TDRD1: variants seen among roughly 807,000 people sequenced by gnomAD.
TDRD1 encodes tudor domain-containing protein 1.
Under a neutral mutation model 140.6 loss-of-function variants are expected in TDRD1, and 37 were observed. That is an observed-to-expected ratio of 0.26 (90% confidence interval 0.20 to 0.35). The LOEUF is 0.35. Among genes scored for constraint, TDRD1 ranks in the 10% least tolerant of loss-of-function variants. The probability of loss-of-function intolerance (pLI) is 1.00; values close to 1 mark genes in which losing one functional copy is unlikely to be tolerated. For synonymous variants in TDRD1, 506 were observed against 475.7 expected (o/e 1.06, Z -0.83); for missense variants, 1,243 against 1,393.0 (o/e 0.89, Z 1.71).
chr10:114,227,209 G>A (rs1269896008), exon 23 of TDRD1: 6 of 1,614,012 alleles, frequency 3.7e-6, no homozygotes, highest in Middle Eastern at 1.6e-4. Context: ...GAAATGTTCT[G>A]AGAATGGGAC....
At chr10:114,193,323 G>C (rs922675028) in intron 3 of TDRD1, among the ~76,000 whole-genome samples, 1 of 36,872 alleles carries the variant, frequency 2.7e-5, no homozygotes, top group South Asian at 7.8e-4. Context: ...AGACAGTTTT[G>C]TTCTTGTTGT....
rs529954501 is a variant in TDRD1 at position 114,197,852 on chromosome 10, C to T, written c.385-1321C>T. Among the ~76,000 whole-genome samples, 11 of 152,078 alleles carry T rather than the reference C, an allele frequency of 7.2e-5. 1 individual carries two copies. The highest frequency in any genetic ancestry group is 1.9e-4 in the East Asian group (1 of 5,174). On this transcript the variant is annotated intron_variant, in intron 3 of 25. Transcript: ENST00000251864. ...TTTGTATTTTCGTAGAGATGGGGTT[C>T]GCCATATTGGCCAGGCTGATCTTGA...
intron 10 of TDRD1, 35 bp from the exon 11 acceptor site, chr10:114,206,209 C>A: frequency 6.8e-7 from 1 of 1,459,922 alleles, no homozygotes; most frequent in Non-Finnish European, 9.6e-7. Flanking sequence ...TGTATAGTTT[C>A]TCAATGGAGG....
intron 20 of TDRD1, 101 bp downstream of exon 20, chr10:114,221,577 C>A: frequency 1.7e-6 from 2 of 1,171,140 alleles, no homozygotes; most frequent in Non-Finnish European, 2.5e-6. Context: ...GAGAAAGAGG[C>A]TCACTGTTTT....
Position 114,221,572 on chromosome 10 carries a change from A to G in TDRD1, c.2890+96A>G, listed in dbSNP as rs539992961. The G allele has an allele frequency of 2.4e-5, 29 of 1,198,426 alleles. 1 individual carries two copies. In the South Asian group the frequency reaches 3.3e-4, roughly 14 times the overall value. The allele number at this position is 1,198,426 out of a possible 1,614,324, so 74.2% of individuals were successfully genotyped here. On this transcript the variant is annotated intron_variant, in intron 20 of 25. Coordinates refer to ENST00000251864, the Ensembl canonical transcript of TDRD1. The stretch of plus-strand genomic sequence containing the variant: ...ATTCCTTTGGGAATGAAGGGGAGAA[A>G]GAGGCTCACTGTTTTAAGGAAGAAC...
At chr10:114,187,838 G>A (rs573754842) in exon 2 of TDRD1, 1 of 1,586,376 alleles carries the variant, frequency 6.3e-7, no homozygotes, top group East Asian at 2.2e-5. Flanking sequence ...CTCGATGAGT[G>A]TTAAATCGCC....
At chr10:114,224,505 G>A (rs1200106281) in intron 21 of TDRD1, among the ~76,000 whole-genome samples, 2 of 152,116 alleles carry the variant, frequency 1.3e-5, no homozygotes, top group East Asian at 3.9e-4. Context: ...AGTTGCTTTT[G>A]TTTTCTGTTC....
At chr10:114,183,092 C>T (rs2033222243) in intron 1 of TDRD1, among the ~76,000 whole-genome samples, 1 of 152,160 alleles carries the variant, frequency 6.6e-6, no homozygotes, top group Admixed American at 6.5e-5. Flanking sequence ...AGTTCCTGCA[C>T]TCAGGCAACT....
intron 5 of TDRD1, among the ~76,000 whole-genome samples, chr10:114,201,826 C>G (rs2034764949): frequency 6.6e-6 from 1 of 152,174 alleles, no homozygotes; most frequent in Admixed American, 6.5e-5. Context: ...TTACATGCCT[C>G]TTGAGTTGTG....
At chr10:114,190,892 CTA>C in intron 2 of TDRD1, 67 bp from the exon 3 acceptor site, 1 of 1,480,132 alleles carries the variant, frequency 6.8e-7, no homozygotes, top group Non-Finnish European at 9.4e-7. Flanking sequence ...CCTAATTACA[CTA>C]TTTTTCATTA....
exon 26 of TDRD1, chr10:114,231,820 G>A (rs1789164421): frequency 3.4e-6 from 1 of 292,992 alleles, no homozygotes; most frequent in South Asian, 7.7e-5. Context: ...GCCAGGTGCA[G>A]TGGCTCACGC....
intron 25 of TDRD1, chr10:114,228,274 C>T: frequency 7.1e-7 from 1 of 1,418,424 alleles, no homozygotes; most frequent in South Asian, 1.6e-5. Flanking sequence ...GGTCATAATG[C>T]TTCTGCTGTT....
chr10:114,184,779 T>C (rs1319542301), intron 1 of TDRD1, among the ~76,000 whole-genome samples: 6 of 152,216 alleles, frequency 3.9e-5, no homozygotes, highest in Non-Finnish European at 7.3e-5. Context: ...ATCATTTCCT[T>C]TGTGATTTTT....
At chr10:114,183,289 G>T (rs1465752325) in intron 1 of TDRD1, among the ~76,000 whole-genome samples, 3 of 152,104 alleles carry the variant, frequency 2.0e-5, no homozygotes, top group Non-Finnish European at 2.9e-5. Context: ...ATGACTATAC[G>T]CTAGTTTTAT....
chr10:114,185,067 AAGAT>A (rs770635468), intron 1 of TDRD1, among the ~76,000 whole-genome samples: 1 of 152,214 alleles, frequency 6.6e-6, no homozygotes, highest in Non-Finnish European at 1.5e-5. Context: ...GTAGTTGTCT[AAGAT>A]AGATGTGTCC....
At position 114,201,546 on chromosome 10, in the gene TDRD1, G is replaced by A. The variant is rs80354721; in HGVS notation, c.635+31G>A. The A allele has an allele frequency of 2.0e-3, 3,094 of 1,574,866 alleles. 48 individuals carry two copies. In the African/African-American group the frequency reaches 0.038, roughly 19 times the overall value. On this transcript the variant is annotated intron_variant, in intron 5 of 25. Transcript: ENST00000251864. The stretch of plus-strand genomic sequence containing the variant: ...GATTTATGATCTTTTTATTCATTAA[G>A]GATTATGTAAAAGGTTCTGATACAA...
At position 114,201,523 on chromosome 10, in the gene TDRD1, T is replaced by C. The variant is rs779277176; in HGVS notation, c.635+8T>C. On this transcript the variant is annotated splice_region_variant and intron_variant, in intron 5 of 25. Transcript: ENST00000251864. ...CAGGCCTGTTCAGCCAAAGTAAGGA[T>C]TTATGATCTTTTTATTCATTAAGGA... is the stretch of plus-strand genomic sequence containing the variant. The C allele has an allele frequency of 1.2e-6, 2 of 1,606,650 alleles. No individual in the cohort carries two copies. Among genetic ancestry groups the C allele is most frequent in the Admixed American group, 3.4e-5 (2 of 59,692 alleles).
chr10:114,190,984 G>C, exon 3 of TDRD1: 1 of 1,613,984 alleles, frequency 6.2e-7, no homozygotes, highest in South Asian at 1.1e-5. Context: ...ACCACCAAGT[G>C]CTGAAAGTAA....
At position 114,213,829 on chromosome 10, in the gene TDRD1, G is replaced by T. The variant is rs562322407; in HGVS notation, c.2075-148G>T. On this transcript the variant is annotated intron_variant, in intron 15 of 25. Coordinates refer to ENST00000251864, the Ensembl canonical transcript of TDRD1. ...AAATTTACTTAGATAATAATTTATT[G>T]TAAGACTGACTTTACGGTTAATATT... 3.5e-5 allele frequency: 26 copies of T among 735,468 alleles called. No individual in the cohort carries two copies. The Admixed American group carries it at 7.1e-4, about 20-fold the overall frequency. 45.6% of individuals were successfully genotyped at this position (735,468 alleles called of 1,614,324 possible). A position where few individuals can be genotyped will look rare whatever the true frequency, so the allele number is the denominator to read the frequency against.
Sources: allele counts gnomAD v4.1 joint callset (sites outside exome capture counted in the v4.1 genomes callset), GRCh38; gene constraint gnomAD v4.1.1; transcripts MANE v1.5; gene names NCBI Gene and HGNC (gene_info 2026-07-23, HGNC 2026-07-21).